The following ACVR1 variants were observed in gnomAD, a reference collection of about 807,000 sequenced individuals.
ACVR1 encodes activin receptor type-1.
A neutral mutation model predicts 57.1 loss-of-function variants in ACVR1; 38 were observed. The observed-to-expected ratio is 0.67, with a 90% CI of 0.51 to 0.87. ACVR1 has a LOEUF of 0.87. ACVR1 is among the 40% of genes least tolerant of loss of function. The pLI is 0.00. For synonymous variants in ACVR1, 212 were observed against 228.1 expected (o/e 0.93, Z 0.63); for missense variants, 463 against 638.2 (o/e 0.73, Z 2.96).
intron 3 of ACVR1, among the ~76,000 whole-genome samples, chr2:157,787,657 C>A (rs889947210): frequency 2.0e-5 from 3 of 152,192 alleles, no homozygotes; most frequent in African/African-American, 7.2e-5. Context: ...GTTCGCGCCA[C>A]AGGAAGAATG....
chr2:157,775,101 C>T (rs1017792281), intron 5 of ACVR1, among the ~76,000 whole-genome samples: 2 of 152,166 alleles, frequency 1.3e-5, no homozygotes, highest in Admixed American at 6.5e-5. Context: ...AATTGGTAAG[C>T]GCAGGCAGCA....
intron 9 of ACVR1, among the ~76,000 whole-genome samples, chr2:157,757,021 GAT>G (rs765313619): frequency 1.1e-3 from 117 of 106,302 alleles, no homozygotes; most frequent in South Asian, 3.8e-3. Flanking sequence ...ATATATATTT[GAT>G]ATATATATAT....
chr2:157,853,037 C>T (rs527516940), intron 1 of ACVR1, among the ~76,000 whole-genome samples: 11 of 152,290 alleles, frequency 7.2e-5, no homozygotes, highest in Admixed American at 2.0e-4. Flanking sequence ...GATCTCAAAA[C>T]TAGAAGTTCA....
intron 10 of ACVR1, among the ~76,000 whole-genome samples, 176 bp downstream of exon 10, chr2:157,738,264 T>C (rs1684616525): frequency 6.6e-6 from 1 of 152,202 alleles, no homozygotes; most frequent in Admixed American, 6.5e-5. Context: ...TCTTCAAGAA[T>C]GGAGTATTTT....
intron 7 of ACVR1, among the ~76,000 whole-genome samples, chr2:157,768,455 C>T (rs897729611): frequency 5.9e-5 from 9 of 152,206 alleles, no homozygotes; most frequent in Non-Finnish European, 1.3e-4. Context: ...CTACTGATTT[C>T]CTCTCCCAAG....
chr2:157,847,742 A>T (rs1172293346), intron 1 of ACVR1, among the ~76,000 whole-genome samples: 1 of 152,226 alleles, frequency 6.6e-6, no homozygotes, highest in Admixed American at 6.5e-5. Flanking sequence ...ATACTATGGG[A>T]ACACAGAAGA....
chr2:157,767,473 T>C (rs556004236), intron 7 of ACVR1, among the ~76,000 whole-genome samples: 1 of 152,296 alleles, frequency 6.6e-6, no homozygotes, highest in Admixed American at 6.5e-5. Flanking sequence ...CTTTCTAGGA[T>C]TATTCTCACA....
chr2:157,778,786 A>T (rs1686396942), intron 4 of ACVR1, among the ~76,000 whole-genome samples: 1 of 151,970 alleles, frequency 6.6e-6, no homozygotes, highest in African/African-American at 2.4e-5. Context: ...CTGGTTTCTC[A>T]CTGATTTTTT....
At chr2:157,870,996 G>A (rs369659408) in intron 1 of ACVR1, among the ~76,000 whole-genome samples, 41 of 152,166 alleles carry the variant, frequency 2.7e-4, no homozygotes, top group East Asian at 5.8e-4. Flanking sequence ...TCATTCTCTC[G>A]GCAATTCAAA....
At chr2:157,842,531 C>T (rs992636343) in intron 1 of ACVR1, among the ~76,000 whole-genome samples, 7 of 152,198 alleles carry the variant, frequency 4.6e-5, no homozygotes, top group Non-Finnish European at 1.0e-4. Flanking sequence ...GAAGTTCTTT[C>T]ATGCATCCAG....
chr2:157,774,560 C>T (rs1299415662), intron 5 of ACVR1, among the ~76,000 whole-genome samples: 1 of 151,858 alleles, frequency 6.6e-6, no homozygotes, highest in Non-Finnish European at 1.5e-5. Flanking sequence ...GACGGGGTTT[C>T]TCCATGTTGG....
intron 4 of ACVR1, 76 bp downstream of exon 4, chr2:157,780,261 A>C: frequency 6.3e-7 from 1 of 1,599,528 alleles, no homozygotes; most frequent in Non-Finnish European, 8.6e-7. Flanking sequence ...ATAGCTACTT[A>C]GATCTTTAAC....
chr2:157,802,304 C>T (rs1182324783), intron 2 of ACVR1, among the ~76,000 whole-genome samples: 2 of 151,988 alleles, frequency 1.3e-5, no homozygotes, highest in Non-Finnish European at 2.9e-5. Context: ...ATGGTGTGTC[C>T]TGAGGACTTA....
intron 3 of ACVR1, among the ~76,000 whole-genome samples, chr2:157,786,641 C>T (rs1686722289): frequency 6.6e-6 from 1 of 152,092 alleles, no homozygotes; most frequent in African/African-American, 2.4e-5. Context: ...GTTAAAAGAA[C>T]AGGTAAAATA....
intron 1 of ACVR1, among the ~76,000 whole-genome samples, chr2:157,854,497 A>G (rs200021799): frequency 6.6e-6 from 1 of 151,486 alleles, no homozygotes; most frequent in Non-Finnish European, 1.5e-5. Flanking sequence ...CCGAGGCGGG[A>G]GGATCACGAG....
chr2:157,810,841 A>C (rs931149226), intron 2 of ACVR1, among the ~76,000 whole-genome samples: 2 of 152,172 alleles, frequency 1.3e-5, no homozygotes, highest in Non-Finnish European at 2.9e-5. Context: ...TCCCCCATCC[A>C]GTCTTCAGTC....
rs565116407 is a variant in ACVR1 at position 157,828,408 on chromosome 2, CCACTG to C, written c.-182-9854_-182-9850del. ...GAGCTTGCAGTGAGCCGAGATCACG[CCACTG>C]CACTCCAGCCTAGGCAACAGAGCAA... On this transcript the variant is annotated intron_variant, in intron 1 of 10. Coordinates refer to ENST00000434821, the MANE Select transcript of ACVR1 (RefSeq NM_001111067.4). Among the ~76,000 whole-genome samples the C allele has an allele frequency of 7.0e-5, 10 of 142,684 alleles. No homozygotes were observed. The South Asian group carries it at 2.2e-3, about 32-fold the overall frequency. The allele number at this position is 142,684 out of a possible 152,430, so 93.6% of individuals were successfully genotyped here.
At chr2:157,820,876 G>A (rs115121079) in intron 1 of ACVR1, among the ~76,000 whole-genome samples, 3,773 of 152,098 alleles carry the variant, frequency 0.025, 164 homozygotes, top group African/African-American at 0.087. Context: ...CCTCTTTCAC[G>A]ATACTTAGCA....
intron 9 of ACVR1, among the ~76,000 whole-genome samples, chr2:157,746,723 CA>C (rs1187373446): frequency 6.6e-6 from 1 of 152,254 alleles, no homozygotes; most frequent in African/African-American, 2.4e-5. Flanking sequence ...CTGTGATGCA[CA>C]TTCCAGTTTA....
Sources: gnomAD v4.1 joint callset for allele counts (sites outside exome capture counted in the v4.1 genomes callset) on GRCh38, gnomAD v4.1.1 for gene constraint, MANE v1.5 for transcripts, NCBI Gene and HGNC (gene_info 2026-07-23, HGNC 2026-07-21) for gene names.